TENM2: variants seen among roughly 807,000 people sequenced by gnomAD.
TENM2 encodes the protein teneurin transmembrane protein 2, also known as teneurin-2.
A neutral mutation model predicts 245.2 loss-of-function variants in TENM2; 52 were observed. That is an observed-to-expected ratio of 0.21 (90% CI 0.17 to 0.27). The LOEUF is 0.27. TENM2 is among the 10% of genes least tolerant of loss of function. TENM2 has a pLI of 1.00. For synonymous variants in TENM2, 1,363 were observed against 1,438.9 expected (o/e 0.95, Z 1.19); for missense variants, 3,046 against 3,666.8 (o/e 0.83, Z 4.37).
At chr5:167,703,996 C>A (rs920338346) in intron 2 of TENM2, among the ~76,000 whole-genome samples, 4 of 152,122 alleles carry the variant, frequency 2.6e-5, no homozygotes, top group African/African-American at 9.7e-5. Flanking sequence ...AGGAAGGAAT[C>A]AAGCTTTTGT....
At chr5:167,923,526 T>C (rs1777529953) in intron 3 of TENM2, among the ~76,000 whole-genome samples, 2 of 152,150 alleles carry the variant, frequency 1.3e-5, no homozygotes, top group Admixed American at 6.5e-5. Context: ...GAAAGACGGC[T>C]TGGGTGACTT....
rs902579854 is a variant in TENM2, at chr5:167,609,713, G to A, written c.502+234240G>A. On this transcript the variant is annotated intron_variant, in intron 2 of 28. Transcript: ENST00000518659. ...CTTGCTATACTTTATTCTATCTTTT[G>A]TAGGCCCATGAGAAGCCACTTTGGC... is the stretch of plus-strand genomic sequence containing the variant. Among the ~76,000 whole-genome samples the A allele has an allele frequency of 2.6e-5, 4 of 152,066 alleles. No homozygotes were observed. In the East Asian group the frequency reaches 7.8e-4, roughly 30 times the overall value.
chr5:167,725,940 A>G (rs1181103262), intron 2 of TENM2, among the ~76,000 whole-genome samples: 3 of 151,940 alleles, frequency 2.0e-5, no homozygotes, highest in Non-Finnish European at 4.4e-5. Context: ...CAAGGGCTGC[A>G]CTCCACAAAC....
intron 2 of TENM2, among the ~76,000 whole-genome samples, chr5:167,747,824 A>G (rs2150627829): frequency 6.6e-6 from 1 of 152,290 alleles, no homozygotes; most frequent in African/African-American, 2.4e-5. Context: ...AAATAAGTGT[A>G]TCTTCCTATT....
At chr5:167,915,643 C>A (rs1776881402) in intron 3 of TENM2, among the ~76,000 whole-genome samples, 1 of 152,126 alleles carries the variant, frequency 6.6e-6, no homozygotes, top group Non-Finnish European at 1.5e-5. Context: ...CCTCCCCTTA[C>A]AACAAAAACA....
intron 28 of TENM2, among the ~76,000 whole-genome samples, chr5:168,261,332 G>A (rs1015147471): frequency 6.6e-6 from 1 of 152,184 alleles, no homozygotes; most frequent in Non-Finnish European, 1.5e-5. Context: ...CTGCCTCAAA[G>A]CCAGGGGATA....
chr5:167,061,648 A>G, the TENM2 span, among the ~76,000 whole-genome samples: 1 of 152,138 alleles, frequency 6.6e-6, no homozygotes, highest in Admixed American at 6.6e-5. Flanking sequence ...AGTGAAAGAA[A>G]AGAGTAAAAA....
At chr5:167,083,800 A>G in the TENM2 span, among the ~76,000 whole-genome samples, 1 of 152,216 alleles carries the variant, frequency 6.6e-6, no homozygotes, top group Non-Finnish European at 1.5e-5. Flanking sequence ...GCTGTGGGCC[A>G]TTCCAGAGCA....
intron 2 of TENM2, among the ~76,000 whole-genome samples, chr5:167,588,648 T>G (rs1775670478): frequency 6.6e-6 from 1 of 152,248 alleles, no homozygotes; most frequent in African/African-American, 2.4e-5. Context: ...AAATCTACTG[T>G]AAGTATATAC....
At chr5:168,243,458 T>G (rs555239400) in intron 25 of TENM2, among the ~76,000 whole-genome samples, 1 of 152,346 alleles carries the variant, frequency 6.6e-6, no homozygotes, top group African/African-American at 2.4e-5. Context: ...AAGATTTTTC[T>G]CTAGATATTA....
At chr5:167,019,694 T>C in the TENM2 span, among the ~76,000 whole-genome samples, 1 of 152,062 alleles carries the variant, frequency 6.6e-6, no homozygotes, top group Non-Finnish European at 1.5e-5. Flanking sequence ...GGTCTCAAAC[T>C]CCTGACCTCA....
intron 2 of TENM2, among the ~76,000 whole-genome samples, chr5:167,747,685 T>C (rs2150627156): frequency 6.6e-6 from 1 of 152,324 alleles, no homozygotes; most frequent in South Asian, 2.1e-4. Context: ...GACTAAGGAC[T>C]GAATTTGCTT....
chr5:167,033,012 G>T, the TENM2 span, among the ~76,000 whole-genome samples: 10 of 152,102 alleles, frequency 6.6e-5, no homozygotes, highest in Admixed American at 1.3e-4. Context: ...GCAATACCAA[G>T]TAGGTTCATG....
chr5:167,080,551 T>C, the TENM2 span, among the ~76,000 whole-genome samples: 1 of 152,142 alleles, frequency 6.6e-6, no homozygotes, highest in South Asian at 2.1e-4. Flanking sequence ...CCCACCTCTG[T>C]GTGGTCTTGC....
intron 2 of TENM2, among the ~76,000 whole-genome samples, chr5:167,662,119 A>G (rs991097512): frequency 1.3e-5 from 2 of 152,228 alleles, no homozygotes; most frequent in Non-Finnish European, 2.9e-5. Flanking sequence ...TGCAGCCACC[A>G]AAAGAAGCTG....
chr5:167,435,906 G>A (rs1326638767), intron 2 of TENM2, among the ~76,000 whole-genome samples: 2 of 151,258 alleles, frequency 1.3e-5, no homozygotes, highest in Non-Finnish European at 2.9e-5. Flanking sequence ...CTAGAGATCT[G>A]TGGAACTTTG....
the TENM2 span, among the ~76,000 whole-genome samples, chr5:167,217,781 G>C: frequency 3.6e-4 from 54 of 150,414 alleles, no homozygotes; most frequent in Admixed American, 1.3e-3. Context: ...AAAAGAAAGA[G>C]AGGTGAGTGG....
chr5:167,492,170 A>G (rs1269746941), intron 2 of TENM2, among the ~76,000 whole-genome samples: 1 of 152,192 alleles, frequency 6.6e-6, no homozygotes, highest in Non-Finnish European at 1.5e-5. Flanking sequence ...ATTACATTAC[A>G]TACTTAGTAA....
chr5:168,028,188 T>C (rs1786793679), intron 5 of TENM2, among the ~76,000 whole-genome samples: 1 of 152,152 alleles, frequency 6.6e-6, no homozygotes, highest in African/African-American at 2.4e-5. Context: ...GCCGCCTCTC[T>C]CAATATCACA....
Sources: allele counts gnomAD v4.1 joint callset (sites outside exome capture counted in the v4.1 genomes callset), GRCh38; gene constraint gnomAD v4.1.1; transcripts MANE v1.5; gene names NCBI Gene and HGNC (gene_info 2026-07-23, HGNC 2026-07-21).